NVL: variants seen among roughly 807,000 people sequenced by gnomAD.
NVL encodes the protein nuclear VCP like.
Under a neutral mutation model 110.2 loss-of-function variants are expected in NVL, and 84 were observed. The ratio of observed to expected loss-of-function variants is 0.76; its 90% CI spans 0.64 to 0.91. The LOEUF (loss-of-function observed/expected upper bound fraction) is 0.91. Among genes scored for constraint, NVL ranks in the 40% least tolerant of loss-of-function variants. The pLI, the probability that NVL is intolerant of heterozygous loss-of-function variation, is 0.00. For synonymous variants in NVL, 354 were observed against 361.1 expected, an observed-to-expected ratio of 0.98 and a Z score of 0.22; for missense variants, 882 against 1,035.9, an observed-to-expected ratio of 0.85 and a Z score of 2.04.
chr1:224,297,164 T>C (rs1038234895), intron 10 of NVL, among the ~76,000 whole-genome samples: 1 of 152,162 alleles, frequency 6.6e-6, no homozygotes, highest in African/African-American at 2.4e-5. Context: ...TCTAACCACT[T>C]TGGGTATATA....
Position 224,255,182 on chromosome 1 carries a change from G to GTTTTTTTTTTTTTTTTT in NVL, c.2183-4881_2183-4865dup, listed in dbSNP as rs34120278. On this transcript the variant is annotated intron_variant, in intron 18 of 22. Transcript: ENST00000281701. ...ATGTGCCTGGCCCAAAATGGTGTAG[G>GTTTTTTTTTTTTTTTTT]TTTTTTTTTTTTTTTTTTTTTTCCT... 5.2e-5 allele frequency among the ~76,000 whole-genome samples: 5 copies of GTTTTTTTTTTTTTTTTT among 96,714 alleles called. 1 individual carries two copies. The highest frequency in any genetic ancestry group is 9.2e-5 in the Non-Finnish European group (5 of 54,174). 63.4% of individuals were successfully genotyped at this position (96,714 alleles called of 152,430 possible). A position where few individuals can be genotyped will look rare whatever the true frequency, so the allele number is the denominator to read the frequency against.
At chr1:224,228,999 TGTATAAGAGTTCCAGGCCAG>T (rs981306288) in intron 22 of NVL, among the ~76,000 whole-genome samples, 2 of 144,776 alleles carry the variant, frequency 1.4e-5, no homozygotes, top group Non-Finnish European at 3.0e-5. Context: ...TCAGCAACAA[TGTATAAGAGTTCCAGGCCAG>T]GCGTGGTGGC....
At chr1:224,309,413 G>A (rs912710061) in intron 5 of NVL, among the ~76,000 whole-genome samples, 3 of 151,962 alleles carry the variant, frequency 2.0e-5, no homozygotes, top group Non-Finnish European at 4.4e-5. Context: ...TAGCTACTTG[G>A]GAGGCTAAGG....
chr1:224,271,784 G>A lies in NVL; in HGVS notation c.2082+3555C>T, dbSNP rs547554478. 2.8e-4 allele frequency among the ~76,000 whole-genome samples: 43 copies of A among 152,058 alleles called. 1 individual carries two copies. In the South Asian group the frequency reaches 7.5e-3, roughly 26 times the overall value. On this transcript the variant is annotated intron_variant, in intron 17 of 22. Coordinates refer to ENST00000281701, the MANE Select transcript of NVL (RefSeq NM_002533.4). ...TCTCAACACTTTAGGAGGCCGAGGCGGGCAGATCACGAGGTCAGGAGTTCG... is the reference window on the plus strand; with the variant it reads ...TCTCAACACTTTAGGAGGCCGAGGCAGGCAGATCACGAGGTCAGGAGTTCG...
At position 224,233,241 on chromosome 1, in the gene NVL, CAG is replaced by C. The variant is rs760466812; in HGVS notation, c.2413_2414del (p.Leu805GlufsTer12). The C allele has an allele frequency of 6.2e-7, 1 of 1,613,146 alleles. No homozygotes were observed. The highest frequency in any genetic ancestry group is 2.2e-5 in the East Asian group (1 of 44,868). On this transcript the variant is annotated frameshift_variant, in exon 21 of 23. Coordinates refer to ENST00000281701, the MANE Select transcript of NVL (RefSeq NM_002533.4). LOFTEE classifies it high-confidence loss of function. The stretch of plus-strand genomic sequence containing the variant: ...TCTTCTGTCTTGCCATTTCCTGTCT[CAG>C]GGCACAGATAGAAGCTTCTCGTACC... ...ALVREASICA[L>X]RQEMARQKSG...
chr1:224,231,132 CAA>C (rs140419434), intron 22 of NVL, 92 bp downstream of exon 22: 8,034 of 630,604 alleles, frequency 0.013, no homozygotes, highest in Middle Eastern at 0.02. Flanking sequence ...GACTCCGTCT[CAA>C]AAAAAAAAAA....
chr1:224,249,164 GA>G (rs1405734203), intron 19 of NVL, among the ~76,000 whole-genome samples: 1 of 151,242 alleles, frequency 6.6e-6, no homozygotes, highest in Non-Finnish European at 1.5e-5. Context: ...TTTTTTTTGA[GA>G]GAGGGTCTTG....
At chr1:224,323,675 G>A (rs1402617362) in intron 2 of NVL, among the ~76,000 whole-genome samples, 1 of 152,196 alleles carries the variant, frequency 6.6e-6, no homozygotes, top group Non-Finnish European at 1.5e-5. Flanking sequence ...CGACCCTTCA[G>A]GAGGCTCAAA....
intron 5 of NVL, among the ~76,000 whole-genome samples, chr1:224,308,779 C>T (rs544212730): frequency 1.4e-5 from 2 of 145,950 alleles, no homozygotes; most frequent in South Asian, 2.2e-4. Context: ...AGACTTCACT[C>T]GGCCGGGCGC....
intron 16 of NVL, among the ~76,000 whole-genome samples, chr1:224,277,882 T>C (rs896370911): frequency 2.0e-5 from 3 of 152,206 alleles, no homozygotes; most frequent in African/African-American, 7.2e-5. Flanking sequence ...TTTTCAGGCT[T>C]AGAAGGTCCG....
intron 20 of NVL, 24 bp from the exon 21 acceptor site, chr1:224,233,313 A>C: frequency 6.4e-7 from 1 of 1,569,542 alleles, no homozygotes; most frequent in Non-Finnish European, 8.6e-7. Context: ...ATAGTTATCT[A>C]CTTATTCTTA....
At chr1:224,233,412 G>T in intron 20 of NVL, 123 bp from the exon 21 acceptor site, 1 of 603,046 alleles carries the variant, frequency 1.7e-6, no homozygotes, top group South Asian at 3.0e-5. Flanking sequence ...GACCAATAAA[G>T]ATGAGAAATA....
intron 22 of NVL, among the ~76,000 whole-genome samples, chr1:224,229,692 C>T (rs1297943515): frequency 6.6e-6 from 1 of 152,108 alleles, no homozygotes; most frequent in Non-Finnish European, 1.5e-5. Flanking sequence ...TCGTGATCTG[C>T]CCGCCTCAGC....
intron 20 of NVL, 143 bp from the exon 21 acceptor site, chr1:224,233,432 T>C (rs1660127989): frequency 3.0e-5 from 17 of 573,770 alleles, no homozygotes; most frequent in African/African-American, 3.9e-5. Flanking sequence ...AAATTGATTA[T>C]CAATCAATAG....
In NVL at chr1:224,281,156, A is replaced by G. The variant is rs754161708; in HGVS notation, c.1929T>C (p.Phe643=). Residue 643 remains phenylalanine (F), a synonymous_variant, in exon 16 of 23, where the codon TTT becomes TTC. Transcript: ENST00000281701. ...GTAATTCGGGGCCCTTGACAGATAT[A>G]AAATTTAGTCCGGACTCATTTGCAA... ...KAVANESGLN[F]ISVKGPELLN... 1 of 1,614,030 alleles carries G rather than the reference A, an allele frequency of 6.2e-7. No individual in the cohort carries two copies. Among genetic ancestry groups the G allele is most frequent in the Non-Finnish European group, 8.5e-7 (1 of 1,179,972 alleles).
intron 16 of NVL, among the ~76,000 whole-genome samples, chr1:224,277,465 C>T (rs748525829): frequency 2.0e-5 from 3 of 152,082 alleles, no homozygotes; most frequent in East Asian, 1.9e-4. Context: ...CAATCAATAC[C>T]GTTGGCAAAG....
At chr1:224,254,390 A>AT (rs36065511) in intron 18 of NVL, among the ~76,000 whole-genome samples, 3,973 of 84,234 alleles carry the variant, frequency 0.047, 329 homozygotes, top group African/African-American at 0.17. Flanking sequence ...AGTGCCTGGC[A>AT]TTTTTTTTTT....
At chr1:224,298,036 C>CAAA (rs1275028638) in intron 10 of NVL, among the ~76,000 whole-genome samples, 3 of 67,228 alleles carry the variant, frequency 4.5e-5, no homozygotes, top group Admixed American at 3.6e-4. Flanking sequence ...TACTCCATCT[C>CAAA]AAAAAAAAAA....
chr1:224,263,663 T>G (rs912367193), intron 18 of NVL, among the ~76,000 whole-genome samples: 3 of 152,272 alleles, frequency 2.0e-5, no homozygotes, highest in African/African-American at 7.2e-5. Context: ...TGTCTCAAAT[T>G]TTACCACTTC....
Sources: gnomAD v4.1 joint callset for allele counts (sites outside exome capture counted in the v4.1 genomes callset) on GRCh38, gnomAD v4.1.1 for gene constraint, MANE v1.5 for transcripts, NCBI Gene and HGNC (gene_info 2026-07-23, HGNC 2026-07-21) for gene names.